Variants in STX8 observed in about 807,000 individuals in gnomAD.
The protein encoded by STX8 is syntaxin-8.
STX8 carries 23 observed loss-of-function variants against 37.5 expected under a neutral mutation model. The observed-to-expected ratio is 0.61, with a 90% CI of 0.44 to 0.87. The LOEUF is 0.87. STX8 is among the 40% of genes least tolerant of loss of function. The pLI, the probability that STX8 is intolerant of heterozygous loss-of-function variation, is 0.00. For synonymous variants in STX8, 115 were observed against 99.1 expected, an observed-to-expected ratio of 1.16 and a Z score of -0.95; for missense variants, 313 against 284.7, an observed-to-expected ratio of 1.10 and a Z score of -0.71.
chr17:9,431,330 A>C (rs1913967267), intron 6 of STX8, among the ~76,000 whole-genome samples: 1 of 150,078 alleles, frequency 6.7e-6, no homozygotes, highest in Non-Finnish European at 1.5e-5. Flanking sequence ...CGGCCTCCCA[A>C]AGTGCTGGGA....
At chr17:9,435,029 G>A (rs1904381211) in intron 6 of STX8, among the ~76,000 whole-genome samples, 1 of 152,132 alleles carries the variant, frequency 6.6e-6, no homozygotes, top group East Asian at 1.9e-4. Context: ...CTTCTTCACT[G>A]CACGCCCTGT....
intron 4 of STX8, among the ~76,000 whole-genome samples, chr17:9,531,568 T>C (rs1905820035): frequency 1.3e-5 from 2 of 152,126 alleles, no homozygotes; most frequent in Non-Finnish European, 2.9e-5. Flanking sequence ...CACATTCTCA[T>C]AACTTCCATT....
chr17:9,509,508 T>A (rs1904954981), intron 4 of STX8, among the ~76,000 whole-genome samples: 1 of 152,010 alleles, frequency 6.6e-6, no homozygotes, highest in Non-Finnish European at 1.5e-5. Flanking sequence ...AGGTAATCCA[T>A]CACCACTAGA....
rs540178089 is a variant in STX8 at position 9,395,276 on chromosome 17, C to A, written c.542-16623G>T. On this transcript the variant is annotated intron_variant, in intron 6 of 7. Coordinates refer to ENST00000306357, the MANE Select transcript of STX8 (RefSeq NM_004853.3). ...CAATAATTTAATGTTGAAGACAATG[C>A]GTGTTTTGGGAATCCTAAATTGTGC... Among the ~76,000 whole-genome samples the A allele has an allele frequency of 2.6e-5, 4 of 152,078 alleles. No individual in the cohort carries two copies. The South Asian group carries it at 8.3e-4, about 32-fold the overall frequency.
At chr17:9,479,230 AATATATAGTATACC>A (rs911785994) in intron 6 of STX8, among the ~76,000 whole-genome samples, 4 of 152,176 alleles carry the variant, frequency 2.6e-5, no homozygotes, top group African/African-American at 4.8e-5. Context: ...ATATATACTT[AATATATAGTATACC>A]ATATATAGGC....
At chr17:9,305,736 A>ACCTT (rs1908960419) in intron 7 of STX8, 9 of 114,858 alleles carry the variant, frequency 7.8e-5, no homozygotes, top group African/African-American at 3.4e-4. Flanking sequence ...ATACAGGTGC[A>ACCTT]TCTTTTTTTT....
intron 7 of STX8, among the ~76,000 whole-genome samples, chr17:9,376,753 A>C (rs1310373414): frequency 6.6e-6 from 1 of 152,262 alleles, no homozygotes; most frequent in East Asian, 1.9e-4. Context: ...ACATCTGAAC[A>C]TCGGAAGGAA....
At chr17:9,367,181 T>G (rs1184715357) in intron 7 of STX8, among the ~76,000 whole-genome samples, 3 of 152,042 alleles carry the variant, frequency 2.0e-5, no homozygotes, top group East Asian at 3.8e-4. Flanking sequence ...TGTTTTTTTT[T>G]TTTTGGTTTT....
At chr17:9,557,232 T>C (rs1907016127) in intron 3 of STX8, 1 of 515,882 alleles carries the variant, frequency 1.9e-6, no homozygotes, top group South Asian at 2.1e-5. Flanking sequence ...ATTCCCTCGG[T>C]AGGTCTTGCT....
intron 7 of STX8, among the ~76,000 whole-genome samples, chr17:9,275,629 A>C (rs538270855): frequency 7.8e-4 from 118 of 152,160 alleles, no homozygotes; most frequent in Admixed American, 2.0e-3. Context: ...CAGCACTTTG[A>C]GAGGCCAAGG....
At chr17:9,323,430 TG>T (rs1301271102) in intron 7 of STX8, among the ~76,000 whole-genome samples, 2 of 152,250 alleles carry the variant, frequency 1.3e-5, no homozygotes, top group African/African-American at 4.8e-5. Context: ...CAAATAACTC[TG>T]TATTTTATAA....
chr17:9,418,028 T>C (rs1913260828), intron 6 of STX8, among the ~76,000 whole-genome samples: 2 of 152,088 alleles, frequency 1.3e-5, no homozygotes, highest in Admixed American at 6.5e-5. Flanking sequence ...TCATCAAACT[T>C]GGTAGAAGAT....
intron 5 of STX8, among the ~76,000 whole-genome samples, chr17:9,501,072 T>C (rs1416281085): frequency 6.6e-6 from 1 of 152,118 alleles, no homozygotes; most frequent in Non-Finnish European, 1.5e-5. Flanking sequence ...ATAAGACACG[T>C]ATAGCAAAAA....
chr17:9,483,844 G>A lies in STX8; in HGVS notation c.541+7985C>T, dbSNP rs546660206. Among the ~76,000 whole-genome samples the A allele has an allele frequency of 2.0e-3, 304 of 152,268 alleles. 1 individual carries two copies. Among genetic ancestry groups the A allele is most frequent in the African/African-American group, 7.0e-3 (290 of 41,554 alleles). ...CTGGTCCCTTGTGCCTACACTGTCAGATCTCAATAATCCAGCATCTTGGGC... is the reference window on the plus strand; with the variant it reads ...CTGGTCCCTTGTGCCTACACTGTCAAATCTCAATAATCCAGCATCTTGGGC... On this transcript the variant is annotated intron_variant, in intron 6 of 7. Coordinates refer to ENST00000306357, the MANE Select transcript of STX8 (RefSeq NM_004853.3).
intron 7 of STX8, among the ~76,000 whole-genome samples, chr17:9,366,166 T>C (rs968596433): frequency 3.9e-5 from 6 of 152,204 alleles, no homozygotes; most frequent in African/African-American, 1.4e-4. Flanking sequence ...GTGCTGTCAA[T>C]GCCTTCTTCG....
At position 9,443,133 on chromosome 17, in the gene STX8, C is replaced by G. The variant is rs190502963; in HGVS notation, c.541+48696G>C. On this transcript the variant is annotated intron_variant, in intron 6 of 7. Coordinates refer to ENST00000306357, the MANE Select transcript of STX8 (RefSeq NM_004853.3). ...CATCAAAGAAGATAATCATGCCCTTCTGTAATGTGTCCTCCTTGCAGGTTA... is the reference window on the plus strand; with the variant it reads ...CATCAAAGAAGATAATCATGCCCTTGTGTAATGTGTCCTCCTTGCAGGTTA... 4.6e-5 allele frequency among the ~76,000 whole-genome samples: 7 copies of G among 152,298 alleles called. No individual in the cohort carries two copies. In the East Asian group the frequency reaches 1.4e-3, roughly 29 times the overall value.
intron 6 of STX8, among the ~76,000 whole-genome samples, chr17:9,478,047 C>T (rs1024624544): frequency 1.3e-5 from 2 of 152,226 alleles, no homozygotes; most frequent in Non-Finnish European, 1.5e-5. Flanking sequence ...TGAGGCTTCA[C>T]TCACTCACTG....
chr17:9,400,417 T>A (rs9899262), intron 6 of STX8, among the ~76,000 whole-genome samples: 37,599 of 150,552 alleles, frequency 0.25, 5,200 homozygotes, highest in African/African-American at 0.36. Flanking sequence ...TTATTTTTTT[T>A]TTTTTGAGAT....
intron 3 of STX8, chr17:9,547,161 T>C (rs1906560646): frequency 6.7e-6 from 1 of 148,548 alleles, no homozygotes; most frequent in African/African-American, 2.5e-5. Context: ...GGCAGGAAAA[T>C]CGCTTGAACC....
Sources: allele counts gnomAD v4.1 joint callset (sites outside exome capture counted in the v4.1 genomes callset), GRCh38; gene constraint gnomAD v4.1.1; transcripts MANE v1.5; gene names NCBI Gene and HGNC (gene_info 2026-07-23, HGNC 2026-07-21).